Variants in TGM4 observed in about 807,000 individuals in gnomAD.
TGM4 encodes protein-glutamine gamma-glutamyltransferase 4.
Under a neutral mutation model 76.3 loss-of-function variants are expected in TGM4, and 61 were observed. The observed-to-expected ratio is 0.80, with a 90% CI of 0.65 to 0.99. The LOEUF is 0.99. Among genes scored for constraint, TGM4 ranks in the 50% least tolerant of loss-of-function variants. The probability of loss-of-function intolerance (pLI) is 0.00; values close to 1 mark genes in which losing one functional copy is unlikely to be tolerated. For missense variants in TGM4, 794 were observed against 843.2 expected, an observed-to-expected ratio of 0.94 and a Z score of 0.72; for synonymous variants, 337 against 329.8, an observed-to-expected ratio of 1.02 and a Z score of -0.24.
At chr3:44,881,427 T>C (rs940404942) in intron 1 of TGM4, among the ~76,000 whole-genome samples, 1 of 152,168 alleles carries the variant, frequency 6.6e-6, no homozygotes, top group South Asian at 2.1e-4. Context: ...AGAAAAGAAA[T>C]TCATTTATTA....
intron 3 of TGM4, chr3:44,888,134 T>A (rs1390404531): frequency 3.8e-6 from 1 of 261,802 alleles, no homozygotes; most frequent in Non-Finnish European, 7.3e-6. Context: ...TCCAGGCTTT[T>A]TCTGTGTCAT....
intron 9 of TGM4, among the ~76,000 whole-genome samples, chr3:44,905,954 C>T (rs560467190): frequency 2.0e-5 from 3 of 152,322 alleles, no homozygotes; most frequent in South Asian, 2.1e-4. Context: ...CAGTGAGTAG[C>T]GCAGTGCCAC....
chr3:44,909,093 C>T (rs1699965603), intron 10 of TGM4, among the ~76,000 whole-genome samples: 1 of 152,242 alleles, frequency 6.6e-6, no homozygotes, highest in Non-Finnish European at 1.5e-5. Context: ...GAATGGTCAG[C>T]TAATGATTAG....
chr3:44,888,243 G>A (rs376262308), intron 3 of TGM4: 6 of 171,078 alleles, frequency 3.5e-5, no homozygotes, highest in East Asian at 1.7e-4. Flanking sequence ...TGTGGCTTAC[G>A]GTGGCTGGTT....
intron 6 of TGM4, among the ~76,000 whole-genome samples, chr3:44,898,004 G>T (rs539405120): frequency 1.3e-5 from 2 of 152,174 alleles, no homozygotes; most frequent in African/African-American, 4.8e-5. Context: ...GAGGACGGCC[G>T]GGCGTGGTGG....
rs1231235131 is a variant in TGM4 at position 44,901,874 on chromosome 3, A to ACACCTATGTGAATGAGAATGG, written c.916_936dup (p.Thr306_Gly312dup). The ACACCTATGTGAATGAGAATGG allele has an allele frequency of 8.7e-6, 14 of 1,614,088 alleles. No homozygotes were observed. Among genetic ancestry groups the ACACCTATGTGAATGAGAATGG allele is most frequent in the Non-Finnish European group, 1.2e-5 (14 of 1,180,038 alleles). On this transcript the variant is annotated inframe_insertion, in exon 8 of 14. Coordinates refer to ENST00000296125, the MANE Select transcript of TGM4 (RefSeq NM_003241.4). ...GACACAGAAAGGAACCTCACGGTGG[A>ACACCTATGTGAATGAGAATGG]CACCTATGTGAATGAGAATGGCGAG...
chr3:44,893,388 C>T (rs1476555700), intron 4 of TGM4, among the ~76,000 whole-genome samples, 189 bp from the exon 5 acceptor site: 1 of 152,158 alleles, frequency 6.6e-6, no homozygotes, highest in East Asian at 1.9e-4. Context: ...CAGGGGAAGT[C>T]CCCTACAGCT....
At chr3:44,895,275 A>G (rs1267903347) in intron 5 of TGM4, among the ~76,000 whole-genome samples, 2 of 152,184 alleles carry the variant, frequency 1.3e-5, no homozygotes, top group African/African-American at 4.8e-5. Flanking sequence ...AGCCTGAGCG[A>G]CAGAGTGAGA....
At chr3:44,898,967 T>C (rs1285963999) in intron 6 of TGM4, among the ~76,000 whole-genome samples, 1 of 152,006 alleles carries the variant, frequency 6.6e-6, no homozygotes, top group Non-Finnish European at 1.5e-5. Flanking sequence ...GAACTTGCCA[T>C]GAGGGGCTCT....
In TGM4 at chr3:44,901,899, G is replaced by C. The variant is rs377297402; in HGVS notation, c.939G>C (p.Glu313Asp). Residue 313 changes from glutamate (E) to aspartate (D), a missense_variant, in exon 8 of 14, where the codon GAG (glutamate) becomes GAC (aspartate). Physicochemically the swap from Glu to Asp is conservative, Grantham distance 45 (BLOSUM62 2). Transcript: ENST00000296125. ...TVDTYVNENG[E>D]KITSMTHDSV... ...ACACCTATGTGAATGAGAATGGCGA[G>C]AAAATCACCAGTATGACCCACGACT... 104 of 1,613,910 alleles carry C rather than the reference G, an allele frequency of 6.4e-5. No individual in the cohort carries two copies. The South Asian group carries it at 9.3e-4, about 14-fold the overall frequency.
intron 6 of TGM4, among the ~76,000 whole-genome samples, chr3:44,898,797 G>C (rs1699815075): frequency 6.6e-6 from 1 of 152,116 alleles, no homozygotes; most frequent in Non-Finnish European, 1.5e-5. Context: ...GATTACCGGG[G>C]GCCCTCACGC....
intron 2 of TGM4, 109 bp downstream of exon 2, chr3:44,885,607 C>A (rs1575713009): frequency 8.6e-7 from 1 of 1,162,920 alleles, no homozygotes. Flanking sequence ...CCTTACCCTC[C>A]CTGATCCCCA....
chr3:44,894,575 A>G (rs1306172818), intron 5 of TGM4, among the ~76,000 whole-genome samples: 1 of 151,054 alleles, frequency 6.6e-6, no homozygotes, highest in Non-Finnish European at 1.5e-5. Flanking sequence ...TGGAGGGCCA[A>G]TGCCTTCGTG....
In TGM4 at chr3:44,910,080, T is replaced by C; in HGVS notation, c.1328-10T>C. 1 of 1,609,722 alleles carries C rather than the reference T, an allele frequency of 6.2e-7. No individual in the cohort carries two copies. Among genetic ancestry groups the C allele is most frequent in the African/African-American group, 1.3e-5 (1 of 74,826 alleles). ...GCACCTGAAGGAAGCTGCCTTTGTGTCTCTTTCAGGCTCCTCTGAGGAGAG... is the reference window on the plus strand; with the variant it reads ...GCACCTGAAGGAAGCTGCCTTTGTGCCTCTTTCAGGCTCCTCTGAGGAGAG... On this transcript the variant is annotated splice_polypyrimidine_tract_variant and intron_variant, in intron 10 of 13. Coordinates refer to ENST00000296125, the MANE Select transcript of TGM4 (RefSeq NM_003241.4).
Position 44,885,392 on chromosome 3 carries a change from C to T in TGM4, c.87C>T (p.Phe29=). 4 of 1,614,018 alleles carry T rather than the reference C, an allele frequency of 2.5e-6. No individual in the cohort carries two copies. Among genetic ancestry groups the T allele is most frequent in the Non-Finnish European group, 3.4e-6 (4 of 1,179,972 alleles). The change falls in exon 2 of 14, where the codon TTC becomes TTT. Residue 29 remains phenylalanine (F), a synonymous_variant. Coordinates refer to ENST00000296125, the MANE Select transcript of TGM4 (RefSeq NM_003241.4). The part of the protein sequence containing the change: ...DNAVSHHTWE[F]QTSSPVFRRG... ...CCGTTTCTCACCACACATGGGAGTT[C>T]CAAACGAGCAGTCCTGTGTTCCGGC... is the stretch of plus-strand genomic sequence containing the variant.
chr3:44,893,039 A>G (rs560142724), intron 4 of TGM4, among the ~76,000 whole-genome samples: 1 of 152,274 alleles, frequency 6.6e-6, no homozygotes, highest in East Asian at 1.9e-4. Context: ...CTATATAATT[A>G]CTATCTTTTT....
At chr3:44,901,188 C>T (rs932018329) in intron 6 of TGM4, among the ~76,000 whole-genome samples, 7 of 152,068 alleles carry the variant, frequency 4.6e-5, no homozygotes, top group African/African-American at 7.2e-5. Flanking sequence ...TGCAGTGAGC[C>T]GAGCTCACAC....
chr3:44,879,490 T>TTTTTTTTA, intron 1 of TGM4, among the ~76,000 whole-genome samples: 2 of 146,088 alleles, frequency 1.4e-5, no homozygotes, highest in African/African-American at 5.1e-5. Context: ...TTTTTTTTTT[T>TTTTTTTTA]GAGACAGAGT....
At chr3:44,887,302 G>A (rs1285864875) in intron 2 of TGM4, among the ~76,000 whole-genome samples, 1 of 152,220 alleles carries the variant, frequency 6.6e-6, no homozygotes, top group African/African-American at 2.4e-5. Flanking sequence ...TCCAGACGAG[G>A]AGTGAAGGTT....
Sources: allele counts gnomAD v4.1 joint callset (sites outside exome capture counted in the v4.1 genomes callset), GRCh38; gene constraint gnomAD v4.1.1; transcripts MANE v1.5; gene names NCBI Gene and HGNC (gene_info 2026-07-23, HGNC 2026-07-21).